MALRD1: variants seen among roughly 807,000 people sequenced by gnomAD.
MALRD1 encodes the protein MAM and LDL receptor class A domain containing 1, also known as MAM and LDL-receptor class A domain-containing protein 1.
In MALRD1, 247 loss-of-function variants were observed where a neutral mutation model predicts 242.1. That is an observed-to-expected ratio of 1.02 (90% CI 0.92 to 1.13). The LOEUF (loss-of-function observed/expected upper bound fraction) is 1.13. Ranked by LOEUF, MALRD1 falls within the 50% of genes most tolerant of loss-of-function variation. The pLI is 0.00. For synonymous variants in MALRD1, 995 were observed against 866.6 expected, an observed-to-expected ratio of 1.15 and a Z score of -2.60; for missense variants, 2,989 against 2,533.1, an observed-to-expected ratio of 1.18 and a Z score of -3.86.
At chr10:19,605,163 A>ATT (rs35550319) in intron 34 of MALRD1, among the ~76,000 whole-genome samples, 3 of 138,966 alleles carry the variant, frequency 2.2e-5, no homozygotes, top group Non-Finnish European at 4.9e-5. Flanking sequence ...TTTTATTATT[A>ATT]TTTTTTTTTT....
At chr10:19,126,593 G>T (rs998522978) in intron 7 of MALRD1, among the ~76,000 whole-genome samples, 1 of 151,880 alleles carries the variant, frequency 6.6e-6, no homozygotes, top group Non-Finnish European at 1.5e-5. Flanking sequence ...GTTTTTAATA[G>T]AATGTATTAG....
chr10:19,356,536 A>G (rs1310942931), intron 26 of MALRD1, among the ~76,000 whole-genome samples: 2 of 152,220 alleles, frequency 1.3e-5, no homozygotes, highest in African/African-American at 4.8e-5. Flanking sequence ...CAAAATCAGT[A>G]TAAAGTATTA....
chr10:19,536,012 A>C (rs1278691228), intron 32 of MALRD1, among the ~76,000 whole-genome samples: 7 of 152,202 alleles, frequency 4.6e-5, no homozygotes, highest in African/African-American at 1.4e-4. Context: ...GAGATTCCAA[A>C]TTGTAGACTG....
intron 29 of MALRD1, among the ~76,000 whole-genome samples, chr10:19,485,724 A>G (rs1837209000): frequency 6.6e-6 from 1 of 152,090 alleles, no homozygotes; most frequent in Non-Finnish European, 1.5e-5. Context: ...ATTGATAGAT[A>G]TCAAAAGCCC....
chr10:19,478,249 C>T (rs2131166573), intron 29 of MALRD1, among the ~76,000 whole-genome samples: 1 of 152,292 alleles, frequency 6.6e-6, no homozygotes, highest in Admixed American at 6.5e-5. Context: ...CAAAAGCTAT[C>T]TGAACAAAGG....
intron 38 of MALRD1, among the ~76,000 whole-genome samples, chr10:19,694,387 A>C (rs572551991): frequency 2.6e-4 from 40 of 152,312 alleles, no homozygotes; most frequent in African/African-American, 9.6e-4. Flanking sequence ...CAAGAAAAAA[A>C]CAACCCCATC....
At chr10:19,080,799 A>G (rs1448837313) in intron 2 of MALRD1, among the ~76,000 whole-genome samples, 1 of 152,106 alleles carries the variant, frequency 6.6e-6, no homozygotes, top group Non-Finnish European at 1.5e-5. Context: ...GATTCTGCAC[A>G]GCAAAAGAAA....
At chr10:19,217,532 CTTTTT>C (rs34267262) in intron 18 of MALRD1, among the ~76,000 whole-genome samples, 8,788 of 116,430 alleles carry the variant, frequency 0.075, 281 homozygotes, top group Middle Eastern at 0.14. Context: ...ATCATGCAGT[CTTTTT>C]TTTTTTTTTT....
chr10:19,249,138 A>T (rs1235870491), intron 18 of MALRD1, among the ~76,000 whole-genome samples: 1 of 151,464 alleles, frequency 6.6e-6, no homozygotes, highest in African/African-American at 2.4e-5. Flanking sequence ...CATCTAACAA[A>T]TGAAATTGAT....
At chr10:19,363,182 G>A (rs1844967221) in intron 26 of MALRD1, among the ~76,000 whole-genome samples, 1 of 152,086 alleles carries the variant, frequency 6.6e-6, no homozygotes, top group South Asian at 2.1e-4. Flanking sequence ...AAAGTCATAT[G>A]CATATAAAAT....
chr10:19,391,795 T>C (rs1436161696), intron 28 of MALRD1, among the ~76,000 whole-genome samples: 1 of 152,202 alleles, frequency 6.6e-6, no homozygotes, highest in Non-Finnish European at 1.5e-5. Context: ...AACCAACTGA[T>C]TGTAAAGTCT....
At position 19,261,281 on chromosome 10, in the gene MALRD1, A is replaced by T. The variant is rs184618236; in HGVS notation, c.3079+3510A>T. ...CTGTTTCGAGTTTTGGAAGAAAAAT[A>T]AAAAAAACTTGAAAAACTGTAGGAG... is the stretch of plus-strand genomic sequence containing the variant. On this transcript the variant is annotated intron_variant, in intron 19 of 39. Transcript: ENST00000454679. Among the ~76,000 whole-genome samples the T allele has an allele frequency of 6.4e-4, 95 of 149,098 alleles. 1 individual carries two copies. In the South Asian group the frequency reaches 0.017, roughly 26 times the overall value.
Position 19,637,015 on chromosome 10 carries a change from C to T in MALRD1, c.6137+21092C>T, listed in dbSNP as rs114386591. Among the ~76,000 whole-genome samples, 1,400 of 151,410 alleles carry T rather than the reference C, an allele frequency of 9.2e-3. 19 individuals carry two copies. Among genetic ancestry groups the T allele is most frequent in the African/African-American group, 0.032 (1,311 of 41,214 alleles). The stretch of plus-strand genomic sequence containing the variant: ...GTAATTATCTGGAAATTTTAAATTA[C>T]CAGAAATGACTTAGGATGAAATAAA... On this transcript the variant is annotated intron_variant, in intron 36 of 39. Transcript: ENST00000454679.
chr10:19,289,404 A>G (rs914970977), intron 21 of MALRD1, among the ~76,000 whole-genome samples: 5 of 152,210 alleles, frequency 3.3e-5, no homozygotes, highest in African/African-American at 1.2e-4. Flanking sequence ...TATTTGTTGA[A>G]TGAATTAGTT....
Position 19,389,515 on chromosome 10 carries a change from G to A in MALRD1, c.4751G>A (p.Ser1584Asn), listed in dbSNP as rs1005597454. Residue 1584 changes from serine to asparagine, a missense_variant, in exon 28 of 40, where the codon AGT becomes AAT. Coordinates refer to ENST00000454679, the MANE Select transcript of MALRD1 (RefSeq NM_001142308.3). The part of the protein sequence containing the change: ...GLRGDKAHFR[S>N]TMWRESSAAC... ...CGGGGTGACAAAGCACACTTCAGGA[G>A]TACCATGTGGCGAGAATCCAGTGCA... 2.6e-6 allele frequency: 4 copies of A among 1,550,610 alleles called. No individual in the cohort carries two copies. The highest frequency in any genetic ancestry group is 2.4e-5 in the South Asian group (2 of 84,058).
chr10:19,406,460 C>T (rs1847114751), intron 28 of MALRD1, among the ~76,000 whole-genome samples: 1 of 152,118 alleles, frequency 6.6e-6, no homozygotes, highest in Admixed American at 6.5e-5. Flanking sequence ...CATTAAACTT[C>T]ATGCCTGTGT....
chr10:19,709,432 T>C (rs1268018008), intron 38 of MALRD1, among the ~76,000 whole-genome samples: 3 of 151,946 alleles, frequency 2.0e-5, no homozygotes, highest in African/African-American at 7.3e-5. Flanking sequence ...AAATACGTAT[T>C]ATTTTTCATT....
chr10:19,098,463 A>T (rs2131321358), intron 4 of MALRD1, among the ~76,000 whole-genome samples: 2 of 152,300 alleles, frequency 1.3e-5, no homozygotes, highest in East Asian at 3.9e-4. Flanking sequence ...CTTAACTCTT[A>T]AAATTCTACC....
At chr10:19,518,163 C>G (rs997972066) in intron 31 of MALRD1, among the ~76,000 whole-genome samples, 1 of 152,156 alleles carries the variant, frequency 6.6e-6, no homozygotes, top group Non-Finnish European at 1.5e-5. Flanking sequence ...AGCTGAAGCT[C>G]TGTTGTTTGT....
Sources: allele counts gnomAD v4.1 joint callset (sites outside exome capture counted in the v4.1 genomes callset), GRCh38; gene constraint gnomAD v4.1.1; transcripts MANE v1.5; gene names NCBI Gene and HGNC (gene_info 2026-07-23, HGNC 2026-07-21).